CSMD1: variants seen among roughly 807,000 people sequenced by gnomAD.
CSMD1 encodes CUB and sushi domain-containing protein 1.
Under a neutral mutation model 417.5 loss-of-function variants are expected in CSMD1, and 213 were observed. The ratio of observed to expected loss-of-function variants is 0.51; its 90% confidence interval spans 0.46 to 0.57. The LOEUF (loss-of-function observed/expected upper bound fraction) is 0.57. Ranked by LOEUF, CSMD1 falls within the 20% of genes least tolerant of loss-of-function variation. The pLI is 0.00. For synonymous variants in CSMD1, 2,862 were observed against 1,736.8 expected (o/e 1.65, Z -16.11); for missense variants, 6,923 against 4,529.7 (o/e 1.53, Z -15.17).
At chr8:4,086,936 C>T (rs1406333640) in intron 3 of CSMD1, among the ~76,000 whole-genome samples, 1 of 152,166 alleles carries the variant, frequency 6.6e-6, no homozygotes, top group Non-Finnish European at 1.5e-5. Flanking sequence ...ACTCACTAAC[C>T]AGCTGTGTGG....
intron 3 of CSMD1, among the ~76,000 whole-genome samples, chr8:4,143,346 G>A (rs1267513957): frequency 2.1e-5 from 3 of 143,606 alleles, no homozygotes; most frequent in African/African-American, 2.7e-5. Flanking sequence ...TTCATGGGCT[G>A]CTGAAATATA....
intron 10 of CSMD1, among the ~76,000 whole-genome samples, chr8:3,509,342 T>G (rs1444900151): frequency 1.3e-5 from 2 of 152,246 alleles, no homozygotes; most frequent in Non-Finnish European, 2.9e-5. Flanking sequence ...ACGTTCACTG[T>G]TTCTTTAGCC....
intron 5 of CSMD1, among the ~76,000 whole-genome samples, chr8:3,842,400 C>T (rs1563136109): frequency 6.6e-6 from 1 of 152,080 alleles, no homozygotes; most frequent in Non-Finnish European, 1.5e-5. Context: ...TGACAGTTGG[C>T]TGTGCATGTC....
chr8:4,799,451 GC>G (rs1798157955), intron 1 of CSMD1, among the ~76,000 whole-genome samples: 1 of 151,644 alleles, frequency 6.6e-6, no homozygotes, highest in South Asian at 2.1e-4. Context: ...ACAAAAATTA[GC>G]CAGGCGCGTA....
At chr8:3,458,906 G>A (rs1816319159) in intron 12 of CSMD1, among the ~76,000 whole-genome samples, 1 of 152,196 alleles carries the variant, frequency 6.6e-6, no homozygotes, top group Admixed American at 6.5e-5. Context: ...AGGAGCTGCT[G>A]CTGGTAGCCA....
intron 2 of CSMD1, among the ~76,000 whole-genome samples, chr8:4,598,113 T>C (rs1800380198): frequency 6.6e-6 from 1 of 152,140 alleles, no homozygotes; most frequent in Non-Finnish European, 1.5e-5. Flanking sequence ...TTCCTCAAAC[T>C]TCCCCTGTAT....
chr8:3,931,245 G>C lies in CSMD1; in HGVS notation c.818+66658C>G, dbSNP rs2554661. ...CGGAGAATGATAATACATTTTGTTA[G>C]TTTCTCAGAACGCTCTGCATTTTGA... is the stretch of plus-strand genomic sequence containing the variant. On this transcript the variant is annotated intron_variant, in intron 5 of 69. Transcript: ENST00000635120. Among the ~76,000 whole-genome samples, 1,210 of 150,566 alleles carry C rather than the reference G, an allele frequency of 8.0e-3. 95 individuals carry two copies. The East Asian group carries it at 0.1, about 13-fold the overall frequency.
At chr8:3,201,012 C>T (rs1272402237) in intron 32 of CSMD1, among the ~76,000 whole-genome samples, 1 of 152,112 alleles carries the variant, frequency 6.6e-6, no homozygotes, top group African/African-American at 2.4e-5. Flanking sequence ...GAATACCATT[C>T]AGAACTCAGA....
chr8:3,504,262 T>C (rs1016241237), intron 10 of CSMD1, among the ~76,000 whole-genome samples: 2 of 152,294 alleles, frequency 1.3e-5, no homozygotes, highest in Non-Finnish European at 2.9e-5. Flanking sequence ...AAAAACATTT[T>C]TTTTAAGTGA....
intron 49 of CSMD1, among the ~76,000 whole-genome samples, chr8:3,062,831 T>A (rs1224464652): frequency 6.6e-6 from 1 of 152,220 alleles, no homozygotes; most frequent in Admixed American, 6.5e-5. Flanking sequence ...GTAAATTGGC[T>A]GCTCAGCCAA....
intron 3 of CSMD1, among the ~76,000 whole-genome samples, chr8:4,164,073 A>C (rs1229670750): frequency 1.3e-5 from 2 of 151,936 alleles, no homozygotes; most frequent in African/African-American, 2.4e-5. Flanking sequence ...ACATTACATT[A>C]AGAAAACTCC....
At chr8:4,815,498 C>G (rs1237579705) in intron 1 of CSMD1, among the ~76,000 whole-genome samples, 3 of 151,664 alleles carry the variant, frequency 2.0e-5, no homozygotes, top group Non-Finnish European at 4.4e-5. Flanking sequence ...GAGATCGAGA[C>G]CAGCCTGACC....
At chr8:4,207,474 G>C (rs988795438) in intron 3 of CSMD1, among the ~76,000 whole-genome samples, 1 of 152,006 alleles carries the variant, frequency 6.6e-6, no homozygotes, top group African/African-American at 2.4e-5. Context: ...ATTTTAAATA[G>C]CCGATTAAAA....
Position 4,133,830 on chromosome 8 carries a change from A to T in CSMD1, c.416-101731T>A, listed in dbSNP as rs191674097. 4.8e-3 allele frequency among the ~76,000 whole-genome samples: 730 copies of T among 152,302 alleles called. 13 individuals are homozygous for T. Among genetic ancestry groups the T allele is most frequent in the South Asian group, 0.043 (209 of 4,828 alleles). ...CTGACCATGCCTGATCTCCTCTGAA[A>T]CACACACCTGCTTTGCAATCAGGGT... On this transcript the variant is annotated intron_variant, in intron 3 of 69. Transcript: ENST00000635120.
chr8:3,440,267 T>A (rs903909471), intron 12 of CSMD1, among the ~76,000 whole-genome samples: 2 of 152,206 alleles, frequency 1.3e-5, no homozygotes, highest in East Asian at 1.9e-4. Context: ...ACTCTGAGTG[T>A]CCCAATACAT....
At chr8:3,974,143 T>A (rs561147379) in intron 5 of CSMD1, among the ~76,000 whole-genome samples, 48 of 152,294 alleles carry the variant, frequency 3.2e-4, no homozygotes, top group African/African-American at 1.1e-3. Context: ...TGTGTGTGTG[T>A]GTCTACATGT....
chr8:3,816,109 A>G (rs1801352242), intron 5 of CSMD1, among the ~76,000 whole-genome samples: 1 of 152,152 alleles, frequency 6.6e-6, no homozygotes, highest in Non-Finnish European at 1.5e-5. Flanking sequence ...TTAGGTCTCT[A>G]TCTCATTAAC....
At chr8:2,955,336 C>T (rs1191610658) in intron 64 of CSMD1, among the ~76,000 whole-genome samples, 1 of 152,100 alleles carries the variant, frequency 6.6e-6, no homozygotes, top group Non-Finnish European at 1.5e-5. Flanking sequence ...TGAAATAATG[C>T]AATCATTTTA....
chr8:3,512,020 G>C (rs1266125506), intron 10 of CSMD1, among the ~76,000 whole-genome samples: 5 of 151,870 alleles, frequency 3.3e-5, no homozygotes, highest in African/African-American at 1.2e-4. Flanking sequence ...TCCAGGCCCC[G>C]CTCCCTGGGC....
Sources: gnomAD v4.1 joint callset for allele counts (sites outside exome capture counted in the v4.1 genomes callset) on GRCh38, gnomAD v4.1.1 for gene constraint, MANE v1.5 for transcripts, NCBI Gene and HGNC (gene_info 2026-07-23, HGNC 2026-07-21) for gene names.